The following NECAB2 variants were observed in gnomAD, a reference collection of about 807,000 sequenced individuals.
NECAB2 encodes the protein N-terminal EF-hand calcium-binding protein 2.
A neutral mutation model predicts 51.9 loss-of-function variants in NECAB2; 68 were observed. The ratio of observed to expected loss-of-function variants is 1.31; its 90% CI spans 1.08 to 1.60. NECAB2 has a LOEUF of 1.60. Ranked by LOEUF, NECAB2 falls within the 40% of genes most tolerant of loss-of-function variation. The pLI is 0.00. For missense variants in NECAB2, 854 were observed against 490.3 expected (o/e 1.74, Z -7.00); for synonymous variants, 329 against 203.5 (o/e 1.62, Z -5.25).
intron 2 of NECAB2, among the ~76,000 whole-genome samples, chr16:83,975,652 G>T (rs2084400357): frequency 6.6e-6 from 1 of 152,140 alleles, no homozygotes; most frequent in Non-Finnish European, 1.5e-5. Flanking sequence ...AGGTTAGCAT[G>T]AGGGGCCTGA....
At chr16:83,998,970 GT>G (rs113890050) in intron 10 of NECAB2, among the ~76,000 whole-genome samples, 1 of 152,122 alleles carries the variant, frequency 6.6e-6, no homozygotes, top group African/African-American at 2.4e-5. Context: ...GCTGGTAGTG[GT>G]CCCCCGCCCC....
At chr16:83,989,750 G>A (rs1425523862) in intron 5 of NECAB2, among the ~76,000 whole-genome samples, 2 of 152,196 alleles carry the variant, frequency 1.3e-5, no homozygotes, top group Admixed American at 6.5e-5. Context: ...CTTGAGAAAT[G>A]TCCTTGCAGA....
chr16:84,001,459 G>C (rs370082181), intron 11 of NECAB2, among the ~76,000 whole-genome samples: 1 of 152,114 alleles, frequency 6.6e-6, no homozygotes, highest in Non-Finnish European at 1.5e-5. Flanking sequence ...CTCCCTGTCC[G>C]TACTTCAGTG....
chr16:83,997,660 T>G (rs2084732905), intron 9 of NECAB2, among the ~76,000 whole-genome samples: 1 of 151,592 alleles, frequency 6.6e-6, no homozygotes, highest in Admixed American at 6.6e-5. Flanking sequence ...GCTAATTTTT[T>G]TGGTATTTTT....
intron 10 of NECAB2, 54 bp from the exon 11 acceptor site, chr16:84,000,670 G>A (rs2084811512): frequency 1.3e-6 from 2 of 1,536,336 alleles, no homozygotes; most frequent in Admixed American, 1.7e-5. Context: ...GAACAGCACT[G>A]AGGTGGCCTT....
At chr16:83,975,636 A>T (rs558987135) in intron 2 of NECAB2, among the ~76,000 whole-genome samples, 72 of 152,166 alleles carry the variant, frequency 4.7e-4, no homozygotes, top group Middle Eastern at 6.8e-3. Flanking sequence ...CCCAGTCCCT[A>T]TGGGAAGGTT....
chr16:83,974,257 G>A (rs907368084), intron 2 of NECAB2, among the ~76,000 whole-genome samples: 10 of 152,272 alleles, frequency 6.6e-5, no homozygotes, highest in Admixed American at 6.5e-5. Flanking sequence ...GCTCAGCCGC[G>A]TACCGGCTCT....
intron 2 of NECAB2, among the ~76,000 whole-genome samples, chr16:83,978,190 A>G (rs1567666189): frequency 6.6e-6 from 1 of 152,236 alleles, no homozygotes; most frequent in Non-Finnish European, 1.5e-5. Context: ...TGGTCTGGGA[A>G]TTAGCTGGAT....
rs1390285575 is a variant in NECAB2 at position 83,999,445 on chromosome 16, A to G, written c.962+1128A>G. On this transcript the variant is annotated intron_variant, in intron 10 of 12. Transcript: ENST00000305202. ...GAGGCTCTGGTTTGTCGAGTTGGAG[A>G]CGGCAAGCCTGGAGAGCCAGGTGAG... Among the ~76,000 whole-genome samples, 4 of 152,182 alleles carry G rather than the reference A, an allele frequency of 2.6e-5. No homozygotes were observed. The East Asian group carries it at 5.8e-4, about 22-fold the overall frequency.
Position 84,000,816 on chromosome 16 carries a change from C to T in NECAB2, c.1040+15C>T, listed in dbSNP as rs779105621. 4 of 1,611,392 alleles carry T rather than the reference C, an allele frequency of 2.5e-6. No individual in the cohort carries two copies. The highest frequency in any genetic ancestry group is 1.1e-5 in the South Asian group (1 of 91,010). On this transcript the variant is annotated intron_variant, in intron 11 of 12. Transcript: ENST00000305202. The stretch of plus-strand genomic sequence containing the variant: ...GCGTGGAAGAGGTGAGATGCTGGGT[C>T]CCCACAGCAGGTGAGGGAGACAGAG...
At chr16:83,999,972 T>C (rs1398806509) in intron 10 of NECAB2, among the ~76,000 whole-genome samples, 2 of 152,148 alleles carry the variant, frequency 1.3e-5, no homozygotes, top group African/African-American at 4.8e-5. Flanking sequence ...CTGCAACCTC[T>C]CACCAGAGGG....
rs183692917 is a variant in NECAB2, at chr16:83,984,838, G to C, written c.459+3711G>C. On this transcript the variant is annotated intron_variant, in intron 5 of 12. Transcript: ENST00000305202. ...ACAGTTTTGCCTGTTTTAATTAGCT[G>C]TTTCAAATAACAAGCTCCTGGCACA... Among the ~76,000 whole-genome samples the C allele has an allele frequency of 2.6e-3, 393 of 152,234 alleles. 1 individual carries two copies. The highest frequency in any genetic ancestry group is 0.01 in the Middle Eastern group (3 of 294).
Position 83,982,518 on chromosome 16 carries a change from C to G in NECAB2, c.459+1391C>G, listed in dbSNP as rs933364831. Among the ~76,000 whole-genome samples the G allele has an allele frequency of 2.6e-5, 4 of 152,318 alleles. No individual in the cohort carries two copies. In the East Asian group the frequency reaches 5.8e-4, roughly 22 times the overall value. ...GTGGCAATGCCAGCTCTGCTCCAAA[C>G]AGGCTGTGTGAGGTCACCATGTGCT... On this transcript the variant is annotated intron_variant, in intron 5 of 12. Coordinates refer to ENST00000305202, the MANE Select transcript of NECAB2 (RefSeq NM_019065.3).
rs117328945 is a variant in NECAB2 at position 83,996,632 on chromosome 16, A to C, written c.796-584A>C. ...ACTGGGTTCAGACCCACGCTCTGAC[A>C]CTTACATGGCTTTCGTGCCTTCAGA... On this transcript the variant is annotated intron_variant, in intron 8 of 12. Transcript: ENST00000305202. Among the ~76,000 whole-genome samples the C allele has an allele frequency of 4.2e-3, 646 of 152,254 alleles. 10 individuals are homozygous for C. Among genetic ancestry groups the C allele is most frequent in the South Asian group, 0.042 (200 of 4,816 alleles).
chr16:83,972,300 A>G (rs942487605), intron 2 of NECAB2, 125 bp downstream of exon 2: 1 of 1,380,060 alleles, frequency 7.2e-7, no homozygotes, highest in South Asian at 1.2e-5. Flanking sequence ...AGGGGTCTGA[A>G]GTTAGAAGGC....
chr16:83,979,225 C>G (rs936826875), intron 3 of NECAB2, among the ~76,000 whole-genome samples: 1 of 152,210 alleles, frequency 6.6e-6, no homozygotes, highest in Non-Finnish European at 1.5e-5. Flanking sequence ...TCAACCCCAC[C>G]TTCAGGAGGG....
intron 8 of NECAB2, 136 bp from the exon 9 acceptor site, chr16:83,997,080 C>T (rs374092999): frequency 6.0e-5 from 52 of 871,472 alleles, no homozygotes; most frequent in East Asian, 3.1e-4. Flanking sequence ...CACTTCCTAG[C>T]GTTGGTCTCC....
At chr16:83,985,207 G>C (rs2084537294) in intron 5 of NECAB2, among the ~76,000 whole-genome samples, 1 of 150,444 alleles carries the variant, frequency 6.6e-6, no homozygotes, top group Admixed American at 6.7e-5. Flanking sequence ...CAGCTACTTG[G>C]GAGGCTGAGG....
chr16:83,965,280 C>G (rs374681524), upstream of NECAB2: 1 of 1,604,946 alleles, frequency 6.2e-7, no homozygotes. Context: ...CAGCCCTTCT[C>G]GCTGTGGGCC....
Sources: gnomAD v4.1 joint callset for allele counts (sites outside exome capture counted in the v4.1 genomes callset) on GRCh38, gnomAD v4.1.1 for gene constraint, MANE v1.5 for transcripts, NCBI Gene and HGNC (gene_info 2026-07-23, HGNC 2026-07-21) for gene names.